RNF217: variants seen among roughly 807,000 people sequenced by gnomAD.
The protein encoded by RNF217 is E3 ubiquitin-protein ligase RNF217.
RNF217 carries 31 observed loss-of-function variants against 57.8 expected under a neutral mutation model. The observed-to-expected ratio is 0.54, with a 90% CI of 0.40 to 0.72. The LOEUF is 0.72. Ranked by LOEUF, RNF217 falls within the 30% of genes least tolerant of loss-of-function variation. The probability of loss-of-function intolerance (pLI) is 0.00; values close to 1 mark genes in which losing one functional copy is unlikely to be tolerated. For synonymous variants in RNF217, 313 were observed against 294.0 expected, an observed-to-expected ratio of 1.06 and a Z score of -0.66; for missense variants, 696 against 708.3, an observed-to-expected ratio of 0.98 and a Z score of 0.20.
rs1783388227 is a variant in RNF217, at chr6:124,963,440, C to G, written c.882+14C>G. On this transcript the variant is annotated intron_variant, in intron 1 of 5. Coordinates refer to ENST00000521654, the MANE Select transcript of RNF217 (RefSeq NM_001286398.3). ...CTGAGCGCCCAGGTAACTTCACCCC[C>G]TTCTCTTCCCCATTTATCATTCCAA... is the stretch of plus-strand genomic sequence containing the variant. The G allele has an allele frequency of 7.3e-7, 1 of 1,378,036 alleles. No homozygotes were observed. The highest frequency in any genetic ancestry group is 2.8e-5 in the Admixed American group (1 of 35,826). The allele number at this position is 1,378,036 out of a possible 1,614,324, so 85.4% of individuals were successfully genotyped here.
intron 1 of RNF217, among the ~76,000 whole-genome samples, chr6:125,016,877 C>A (rs1427839523): frequency 6.6e-6 from 1 of 151,986 alleles, no homozygotes; most frequent in East Asian, 1.9e-4. Context: ...CACGCGTATA[C>A]CTATCCAACA....
chr6:124,997,688 A>G (rs559150373), intron 1 of RNF217, among the ~76,000 whole-genome samples: 6 of 152,228 alleles, frequency 3.9e-5, no homozygotes, highest in Non-Finnish European at 5.9e-5. Context: ...ATACCTGGAC[A>G]CTAGTTTCAG....
At chr6:125,076,530 C>A in intron 3 of RNF217, 127 bp from the exon 4 acceptor site, 1 of 646,414 alleles carries the variant, frequency 1.5e-6, no homozygotes, top group Non-Finnish European at 2.8e-6. Context: ...AATTCACAGC[C>A]TCAGGAGTGC....
chr6:125,005,910 T>G (rs1349124868), intron 1 of RNF217, among the ~76,000 whole-genome samples: 1 of 152,192 alleles, frequency 6.6e-6, no homozygotes, highest in Non-Finnish European at 1.5e-5. Context: ...AGAATAGTAT[T>G]TAAAATTCAG....
intron 3 of RNF217, among the ~76,000 whole-genome samples, chr6:125,070,264 A>G (rs1788086327): frequency 6.6e-6 from 1 of 152,170 alleles, no homozygotes; most frequent in Non-Finnish European, 1.5e-5. Flanking sequence ...ATTGTTGGGT[A>G]CTTAGATTGG....
chr6:125,081,055 T>C (rs1272797793), intron 4 of RNF217, among the ~76,000 whole-genome samples: 2 of 152,086 alleles, frequency 1.3e-5, no homozygotes, highest in African/African-American at 4.8e-5. Context: ...GATTTTCTCC[T>C]ACCAACTCAA....
chr6:124,964,757 G>A (rs1783467864), intron 1 of RNF217, among the ~76,000 whole-genome samples: 1 of 152,216 alleles, frequency 6.6e-6, no homozygotes, highest in South Asian at 2.1e-4. Flanking sequence ...GTCTGCTGCT[G>A]GTTGTGGTAG....
intron 3 of RNF217, among the ~76,000 whole-genome samples, chr6:125,073,336 T>C (rs1458501866): frequency 6.6e-6 from 1 of 152,154 alleles, no homozygotes; most frequent in Non-Finnish European, 1.5e-5. Flanking sequence ...AGTGCTGGAC[T>C]AGGAGCTGAC....
chr6:124,981,388 C>G (rs977797475), intron 1 of RNF217, among the ~76,000 whole-genome samples: 1 of 152,006 alleles, frequency 6.6e-6, no homozygotes, highest in Admixed American at 6.6e-5. Flanking sequence ...CCAAGGTGGT[C>G]GGGGTACAGC....
chr6:125,077,415 T>A (rs1381022466), intron 4 of RNF217, among the ~76,000 whole-genome samples: 1 of 152,184 alleles, frequency 6.6e-6, no homozygotes, highest in Non-Finnish European at 1.5e-5. Flanking sequence ...CCTCAGTGCA[T>A]ACAAACCCAA....
At chr6:125,014,299 A>G (rs574756954) in intron 1 of RNF217, among the ~76,000 whole-genome samples, 1 of 152,300 alleles carries the variant, frequency 6.6e-6, no homozygotes, top group East Asian at 1.9e-4. Context: ...TTGAGTTTGT[A>G]CTGCTCTAAA....
chr6:124,994,041 G>A (rs532631347), intron 1 of RNF217, among the ~76,000 whole-genome samples: 2 of 152,124 alleles, frequency 1.3e-5, no homozygotes. Flanking sequence ...TGTGGAGAAG[G>A]GACTGGAAAG....
chr6:124,972,373 T>C (rs1783796011), intron 1 of RNF217, among the ~76,000 whole-genome samples: 1 of 152,200 alleles, frequency 6.6e-6, no homozygotes, highest in Non-Finnish European at 1.5e-5. Flanking sequence ...GTCCCAGTGA[T>C]GCTCTCTTGG....
intron 1 of RNF217, among the ~76,000 whole-genome samples, chr6:124,998,061 A>G (rs995559048): frequency 1.3e-5 from 2 of 152,128 alleles, no homozygotes; most frequent in African/African-American, 4.8e-5. Context: ...ATATATGTTC[A>G]GAGCAAACTT....
chr6:125,008,500 T>A (rs1190641957), intron 1 of RNF217, among the ~76,000 whole-genome samples: 1 of 152,174 alleles, frequency 6.6e-6, no homozygotes, highest in Non-Finnish European at 1.5e-5. Flanking sequence ...ATCCCAGTCA[T>A]CAGCACAGTC....
At position 124,963,149 on chromosome 6, in the gene RNF217, C is replaced by T; in HGVS notation, c.605C>T (p.Ser202Phe). The stretch of plus-strand genomic sequence containing the variant: ...GTGTTGAACCCTCCCAGCACCCGCT[C>T]TTCCTTCCCCAGCCCCCGACTGTCC... ...PPVLNPPSTR[S>F]SFPSPRLSLP... is the part of the protein sequence containing the mutation. Residue 202 changes from serine (S) to phenylalanine (F), a missense_variant, in exon 1 of 6, where the codon TCT becomes TTT. By Grantham distance (155) the Ser-to-Phe change is radical (BLOSUM62 -2). This residue lies in a region of RNF217 where 465 missense variants were observed against 386.8 expected (regional missense o/e 1.20). Coordinates refer to ENST00000521654, the MANE Select transcript of RNF217 (RefSeq NM_001286398.3). The T allele has an allele frequency of 6.5e-7, 1 of 1,534,346 alleles. No homozygotes were observed. Among genetic ancestry groups the T allele is most frequent in the Non-Finnish European group, 8.7e-7 (1 of 1,145,944 alleles).
intron 1 of RNF217, among the ~76,000 whole-genome samples, chr6:124,984,748 T>C (rs1784313412): frequency 6.6e-6 from 1 of 152,080 alleles, no homozygotes; most frequent in South Asian, 2.1e-4. Context: ...TTCTGATGTC[T>C]GTATAACCTT....
intron 4 of RNF217, 106 bp downstream of exon 4, chr6:125,076,964 AGT>A: frequency 1.0e-6 from 1 of 956,414 alleles, no homozygotes; most frequent in Non-Finnish European, 1.7e-6. Context: ...CCATGTGCCC[AGT>A]GTTCAGAGGA....
intron 1 of RNF217, among the ~76,000 whole-genome samples, chr6:124,974,960 G>A (rs1437220771): frequency 6.6e-6 from 1 of 152,132 alleles, no homozygotes; most frequent in African/African-American, 2.4e-5. Context: ...TATTATGTTT[G>A]CCCCACTCCA....
Sources: gnomAD v4.1 joint callset for allele counts (sites outside exome capture counted in the v4.1 genomes callset) on GRCh38, gnomAD v4.1.1 for gene constraint, gnomAD v4.1.1 regional missense constraint, MANE v1.5 for transcripts, NCBI Gene and HGNC (gene_info 2026-07-23, HGNC 2026-07-21) for gene names.